NECAB2: variants seen among roughly 807,000 people sequenced by gnomAD.
NECAB2 encodes the protein N-terminal EF-hand calcium binding protein 2.
A neutral mutation model predicts 51.9 loss-of-function variants in NECAB2; 68 were observed. That is an observed-to-expected ratio of 1.31 (90% CI 1.08 to 1.60). The LOEUF (loss-of-function observed/expected upper bound fraction) is 1.60, where lower values mean the gene tolerates loss of function less well. Ranked by LOEUF, NECAB2 falls within the 40% of genes most tolerant of loss-of-function variation. The pLI is 0.00. For missense variants in NECAB2, 854 were observed against 490.3 expected, an observed-to-expected ratio of 1.74 and a Z score of -7.00; for synonymous variants, 329 against 203.5, an observed-to-expected ratio of 1.62 and a Z score of -5.25.
intron 11 of NECAB2, 55 bp from the exon 12 acceptor site, chr16:84,001,770 A>C: frequency 6.3e-7 from 1 of 1,583,374 alleles, no homozygotes; most frequent in South Asian, 1.1e-5. Context: ...CAGGGGAGCC[A>C]CACGCGGAGC....
chr16:83,977,713 T>C (rs2084431062), intron 2 of NECAB2, among the ~76,000 whole-genome samples: 1 of 152,148 alleles, frequency 6.6e-6, no homozygotes, highest in Non-Finnish European at 1.5e-5. Flanking sequence ...GCTGCATCTG[T>C]GGCCTGGGAG....
chr16:84,002,223 G>C (rs1407684201), intron 12 of NECAB2, 95 bp from the exon 13 acceptor site: 1 of 1,461,202 alleles, frequency 6.8e-7, no homozygotes, highest in African/African-American at 1.4e-5. Flanking sequence ...AGGACTCAAA[G>C]CCATCCCCCG....
In NECAB2 at chr16:84,001,894, C is replaced by T; in HGVS notation, c.1110C>T (p.Ala370=). 4 of 1,613,978 alleles carry T rather than the reference C, an allele frequency of 2.5e-6. No individual in the cohort carries two copies. Among genetic ancestry groups the T allele is most frequent in the South Asian group, 1.1e-5 (1 of 91,072 alleles). The change falls in exon 12 of 13, where the codon GCC becomes GCT. Residue 370 remains alanine (A), a synonymous_variant. Coordinates refer to ENST00000305202, the MANE Select transcript of NECAB2 (RefSeq NM_019065.3). The stretch of plus-strand genomic sequence containing the variant: ...TGGACACACTGAGCCAGCCTGAGGC[C>T]CTCTCCAGGATCTTGGTGCCAGGTA... ...VKVDTLSQPE[A]LSRILVPAAW...
rs1011545211 is a variant in NECAB2 at position 84,002,708 on chromosome 16, CTGTAGTGCCCAA to C, written c.*363_*374del. Reference sequence around the variant, plus strand: ...CTTCTACCTAGTAGGAGTCATGCCCCTGTAGTGCCCAACCTAGCCAGGTAGCCACCACTGTGC... The same window carrying C: ...CTTCTACCTAGTAGGAGTCATGCCCCCCTAGCCAGGTAGCCACCACTGTGC... On this transcript the variant is annotated 3_prime_UTR_variant, in exon 13 of 13. Transcript: ENST00000305202. The C allele has an allele frequency of 6.7e-6, 2 of 299,380 alleles. No homozygotes were observed. Among genetic ancestry groups the C allele is most frequent in the African/African-American group, 2.2e-5 (1 of 46,436 alleles). 18.5% of individuals were successfully genotyped at this position (299,380 alleles called of 1,614,324 possible). A position where few individuals can be genotyped will look rare whatever the true frequency, so the allele number is the denominator to read the frequency against.
chr16:84,001,413 G>T (rs1020957282), intron 11 of NECAB2, among the ~76,000 whole-genome samples: 1 of 152,122 alleles, frequency 6.6e-6, no homozygotes, highest in Admixed American at 6.5e-5. Context: ...GGACCCCAGT[G>T]GGAACAGGGG....
intron 2 of NECAB2, among the ~76,000 whole-genome samples, chr16:83,974,604 T>C (rs950585911): frequency 6.6e-6 from 1 of 152,138 alleles, no homozygotes; most frequent in African/African-American, 2.4e-5. Flanking sequence ...AGACAAGAAG[T>C]ATCAACCCCC....
upstream of NECAB2, among the ~76,000 whole-genome samples, chr16:83,968,192 G>A (rs1275292758): frequency 6.6e-6 from 1 of 151,490 alleles, no homozygotes; most frequent in Non-Finnish European, 1.5e-5. Flanking sequence ...CGCTCCCCGG[G>A]GCTGGAGCCG....
intron 9 of NECAB2, among the ~76,000 whole-genome samples, chr16:83,997,752 T>TAA (rs1461558926): frequency 6.6e-6 from 1 of 151,990 alleles, no homozygotes; most frequent in Admixed American, 6.6e-5. Flanking sequence ...CTTGGCCTCC[T>TAA]AAAGTGCTGA....
Position 83,969,674 on chromosome 16 carries a change from CGGA to C in NECAB2, c.201+835_201+837del, listed in dbSNP as rs200349307. Among the ~76,000 whole-genome samples, 1,312 of 150,342 alleles carry C rather than the reference CGGA, an allele frequency of 8.7e-3. 65 individuals carry two copies. Among genetic ancestry groups the C allele is most frequent in the Admixed American group, 0.075 (1,131 of 15,154 alleles). Reference sequence around the variant, plus strand: ...AGGGAGGAATCTTCAGGGGGCGGCTCGGAGGAGGAGGACTTCTCCCAGCAGAGA... The same window carrying C: ...AGGGAGGAATCTTCAGGGGGCGGCTCGGAGGAGGACTTCTCCCAGCAGAGA... On this transcript the variant is annotated intron_variant, in intron 1 of 12. Transcript: ENST00000305202.
At chr16:83,998,445 T>G (rs946275090) in intron 10 of NECAB2, 128 bp downstream of exon 10, 1 of 859,208 alleles carries the variant, frequency 1.2e-6, no homozygotes, top group Non-Finnish European at 1.8e-6. Context: ...CACAGCTGGA[T>G]GCGTAAGAAG....
At chr16:83,987,077 C>T (rs1021453576) in intron 5 of NECAB2, among the ~76,000 whole-genome samples, 1 of 152,162 alleles carries the variant, frequency 6.6e-6, no homozygotes, top group Non-Finnish European at 1.5e-5. Context: ...TGGCTTCCCT[C>T]CTGTAACAAG....
At chr16:83,997,114 T>C (rs372055027) in intron 8 of NECAB2, 102 bp from the exon 9 acceptor site, 57 of 1,408,746 alleles carry the variant, frequency 4.0e-5, no homozygotes, top group East Asian at 3.2e-4. Context: ...CAGGGCCGGG[T>C]CCTTGGGAGC....
intron 7 of NECAB2, 65 bp from the exon 8 acceptor site, chr16:83,994,544 A>T: frequency 6.2e-7 from 1 of 1,606,198 alleles, no homozygotes. Flanking sequence ...GGATGTTTCC[A>T]GCTTCCCCCC....
rs546373249 is a variant in NECAB2 at position 83,987,956 on chromosome 16, T to A, written c.460-2538T>A. On this transcript the variant is annotated intron_variant, in intron 5 of 12. Transcript: ENST00000305202. The stretch of plus-strand genomic sequence containing the variant: ...ATTTAATAATGGCACGTCTTTGTTA[T>A]AACTTTATGCCTTTTATCATTATAT... 4.6e-5 allele frequency among the ~76,000 whole-genome samples: 7 copies of A among 152,368 alleles called. No individual in the cohort carries two copies. The South Asian group carries it at 1.4e-3, about 32-fold the overall frequency.
At chr16:83,979,691 T>G (rs1597203609) in intron 3 of NECAB2, among the ~76,000 whole-genome samples, 5 of 117,798 alleles carry the variant, frequency 4.2e-5, no homozygotes, top group African/African-American at 3.3e-5. Context: ...GAGGAGGGGG[T>G]GGAGGCGGAG....
At chr16:83,978,622 T>C (rs973249427) in intron 3 of NECAB2, 70 bp downstream of exon 3, 2 of 1,319,472 alleles carry the variant, frequency 1.5e-6, no homozygotes, top group Admixed American at 1.7e-5. Context: ...TTTCATCTAG[T>C]GTCCGTTCCT....
chr16:84,000,835 GAC>G, intron 11 of NECAB2, 34 bp downstream of exon 11: 1 of 1,400,594 alleles, frequency 7.1e-7, no homozygotes, highest in Non-Finnish European at 9.8e-7. Flanking sequence ...AGGTGAGGGA[GAC>G]AGAGGGAAGT....
intron 9 of NECAB2, 81 bp downstream of exon 9, chr16:83,997,350 C>A (rs8052260): frequency 6.4e-7 from 1 of 1,559,016 alleles, no homozygotes; most frequent in East Asian, 2.3e-5. Context: ...GCTCAATGCC[C>A]CTGACCCCGC....
chr16:83,996,651 C>T (rs577569780), intron 8 of NECAB2, among the ~76,000 whole-genome samples: 5 of 152,290 alleles, frequency 3.3e-5, no homozygotes, highest in African/African-American at 1.2e-4. Context: ...GCTTTCGTGC[C>T]TTCAGAGCCG....
Sources: allele counts gnomAD v4.1 joint callset (sites outside exome capture counted in the v4.1 genomes callset), GRCh38; gene constraint gnomAD v4.1.1; transcripts MANE v1.5; gene names NCBI Gene and HGNC (gene_info 2026-07-23, HGNC 2026-07-21).